Variants in EDN3 observed in about 807,000 individuals in gnomAD.
The protein encoded by EDN3 is endothelin-3.
In EDN3, 9 loss-of-function variants were observed where a neutral mutation model predicts 21.4. That is an observed-to-expected ratio of 0.42 (90% CI 0.25 to 0.73). The LOEUF is 0.73. EDN3 is among the 30% of genes least tolerant of loss of function. The probability of loss-of-function intolerance (pLI) is 0.26; values close to 1 mark genes in which losing one functional copy is unlikely to be tolerated. For missense variants in EDN3, 327 were observed against 309.4 expected (o/e 1.06, Z -0.43); for synonymous variants, 133 against 126.2 (o/e 1.05, Z -0.36).
chr20:59,311,899 C>T (rs376192331), intron 2 of EDN3, among the ~76,000 whole-genome samples: 10 of 152,144 alleles, frequency 6.6e-5, no homozygotes, highest in East Asian at 3.8e-4. Flanking sequence ...CGTATCTTTA[C>T]GGTCATTGTG....
At chr20:59,313,262 C>T (rs144698974) in intron 2 of EDN3, among the ~76,000 whole-genome samples, 83 of 152,296 alleles carry the variant, frequency 5.4e-4, no homozygotes, top group African/African-American at 2.0e-3. Flanking sequence ...TTGAGCCAGA[C>T]ATGGTGTCAG....
intron 2 of EDN3, among the ~76,000 whole-genome samples, chr20:59,306,696 C>G (rs1989452928): frequency 2.7e-5 from 4 of 150,842 alleles, no homozygotes; most frequent in South Asian, 2.1e-4. Context: ...CTGGCTTTGC[C>G]TTCTGTGTTC....
chr20:59,323,562 TA>T (rs1990673544), intron 4 of EDN3: 1 of 399,012 alleles, frequency 2.5e-6, no homozygotes, highest in African/African-American at 2.1e-5. Flanking sequence ...ATGTACAATT[TA>T]AAGTGAGATT....
intron 2 of EDN3, among the ~76,000 whole-genome samples, chr20:59,310,247 T>C (rs1051745031): frequency 6.6e-6 from 1 of 152,188 alleles, no homozygotes; most frequent in Non-Finnish European, 1.5e-5. Flanking sequence ...GGTCTCTGTT[T>C]TGCATGAGAA....
intron 2 of EDN3, among the ~76,000 whole-genome samples, chr20:59,316,393 G>T (rs1568838724): frequency 6.6e-6 from 1 of 152,284 alleles, no homozygotes; most frequent in East Asian, 1.9e-4. Context: ...ATTCAGTTGT[G>T]GGGGGTGGAA....
At position 59,318,652 on chromosome 20, in the gene EDN3, G is replaced by A. The variant is rs11570329; in HGVS notation, c.366-2365G>A. On this transcript the variant is annotated intron_variant, in intron 2 of 4. Coordinates refer to ENST00000337938, the MANE Select transcript of EDN3 (RefSeq NM_207034.3). ...AGGCTGTAGGGCAGGGGAGGGGGCC[G>A]TGCCTCTCTAAACTGCCAGAGCCTG... 2.9e-4 allele frequency among the ~76,000 whole-genome samples: 44 copies of A among 152,352 alleles called. 1 individual carries two copies. The East Asian group carries it at 8.1e-3, about 28-fold the overall frequency.
rs565731779 is a variant in EDN3 at position 59,301,582 on chromosome 20, C to T, written c.225C>T (p.Ser75=). ...TVAPTALQGP[S]PGSPGQEQAA... ...CCCCGACAGCACTGCAGGGTCCAAG[C>T]CCTGGAAGCCCTGGGCAGGAGCAGG... Residue 75 remains serine (S), a synonymous_variant, in exon 2 of 5, where the codon AGC becomes AGT. Transcript: ENST00000337938. 25 of 1,613,892 alleles carry T rather than the reference C, an allele frequency of 1.5e-5. No individual in the cohort carries two copies. The African/African-American group carries it at 2.5e-4, about 16-fold the overall frequency.
Position 59,321,182 on chromosome 20 carries a change from G to C in EDN3, c.531G>C (p.Leu177=), listed in dbSNP as rs1432655978. ...GCCTGCACTTTTGCACCCAAACTCT[G>C]GACGTCAGCAGGTATGACACCTCCT... is the stretch of plus-strand genomic sequence containing the variant. ...KACLHFCTQT[L]DVSSNSRTAE... is the part of the protein sequence containing the mutation. Residue 177 remains leucine, a synonymous_variant, in exon 3 of 5, where the codon CTG becomes CTC. Transcript: ENST00000337938. 6.2e-6 allele frequency: 10 copies of C among 1,614,090 alleles called. No homozygotes were observed. Among genetic ancestry groups the C allele is most frequent in the Non-Finnish European group, 8.5e-6 (10 of 1,180,050 alleles).
At chr20:59,306,589 A>G (rs1989428296) in intron 2 of EDN3, among the ~76,000 whole-genome samples, 1 of 141,062 alleles carries the variant, frequency 7.1e-6, no homozygotes, top group Non-Finnish European at 1.6e-5. Flanking sequence ...CTAAATGCAT[A>G]AAGAGTAAAA....
chr20:59,324,192 G>A, intron 4 of EDN3, 139 bp from the exon 5 acceptor site: 1 of 1,060,914 alleles, frequency 9.4e-7, no homozygotes, highest in Non-Finnish European at 1.4e-6. Flanking sequence ...TGGGAAGAGG[G>A]TACATACAGT....
chr20:59,319,145 A>C (rs1275185440), intron 2 of EDN3, among the ~76,000 whole-genome samples: 1 of 152,120 alleles, frequency 6.6e-6, no homozygotes, highest in African/African-American at 2.4e-5. Flanking sequence ...ATGGCTCATC[A>C]GCGGGGCCTG....
Position 59,306,595 on chromosome 20 carries a change from T to TAAAAAAAAAAAAA in EDN3, c.365+4885_365+4897dup, listed in dbSNP as rs57144708. Among the ~76,000 whole-genome samples the TAAAAAAAAAAAAA allele has an allele frequency of 3.8e-4, 24 of 62,446 alleles. 1 individual carries two copies. The East Asian group carries it at 4.0e-3, about 10-fold the overall frequency. 41.0% of individuals were successfully genotyped at this position (62,446 alleles called of 152,430 possible). A position where few individuals can be genotyped will look rare whatever the true frequency, so the allele number is the denominator to read the frequency against. On this transcript the variant is annotated intron_variant, in intron 2 of 4. Transcript: ENST00000337938. Reference sequence around the variant, plus strand: ...TTTTCTCCCCTAAATGCATAAAGAGTAAAAAAAAAAAAAAAAAAAAAAAAG... The same window carrying TAAAAAAAAAAAAA: ...TTTTCTCCCCTAAATGCATAAAGAGTAAAAAAAAAAAAAAAAAAAAAAAAAAAAAAAAAAAAAG...
chr20:59,321,825 C>T (rs1215689922), intron 3 of EDN3, among the ~76,000 whole-genome samples: 3 of 152,328 alleles, frequency 2.0e-5, no homozygotes, highest in East Asian at 1.9e-4. Context: ...TTGCAAATCA[C>T]GTTGAATGGA....
At chr20:59,317,230 A>T (rs1033417782) in intron 2 of EDN3, among the ~76,000 whole-genome samples, 2 of 152,218 alleles carry the variant, frequency 1.3e-5, no homozygotes, top group East Asian at 1.9e-4. Flanking sequence ...AGTGCTCATG[A>T]GCTGGTAATC....
chr20:59,323,733 C>G, intron 4 of EDN3: 1 of 401,010 alleles, frequency 2.5e-6, no homozygotes, highest in Non-Finnish European at 4.4e-6. Context: ...GGTAGGGGAA[C>G]CGGTGAGTGC....
intron 2 of EDN3, among the ~76,000 whole-genome samples, chr20:59,318,202 A>C (rs1990305129): frequency 6.6e-6 from 1 of 152,154 alleles, no homozygotes; most frequent in Non-Finnish European, 1.5e-5. Context: ...TACAGGATGT[A>C]GGGTGGAAGG....
intron 2 of EDN3, among the ~76,000 whole-genome samples, chr20:59,304,802 C>T (rs903321195): frequency 6.6e-6 from 1 of 152,172 alleles, no homozygotes; most frequent in African/African-American, 2.4e-5. Flanking sequence ...GTCCCTTTAG[C>T]CCTCCTGCTT....
chr20:59,319,777 GAA>G (rs956621060), intron 2 of EDN3, among the ~76,000 whole-genome samples: 1 of 150,398 alleles, frequency 6.6e-6, no homozygotes, highest in African/African-American at 2.4e-5. Context: ...AAAGAAAAAA[GAA>G]AATGCAGAGG....
intron 2 of EDN3, among the ~76,000 whole-genome samples, chr20:59,319,178 C>A (rs1171499517): frequency 6.6e-6 from 1 of 151,996 alleles, no homozygotes; most frequent in Non-Finnish European, 1.5e-5. Flanking sequence ...GGGATCCCAC[C>A]ACCTCTGTTT....
Sources: gnomAD v4.1 joint callset for allele counts (sites outside exome capture counted in the v4.1 genomes callset) on GRCh38, gnomAD v4.1.1 for gene constraint, MANE v1.5 for transcripts, NCBI Gene and HGNC (gene_info 2026-07-23, HGNC 2026-07-21) for gene names.